MAML3: variants seen among roughly 807,000 people sequenced by gnomAD.
MAML3 encodes mastermind-like protein 3.
MAML3 carries 27 observed loss-of-function variants against 101.9 expected under a neutral mutation model. The observed-to-expected ratio is 0.27, with a 90% confidence interval of 0.20 to 0.37. The LOEUF is 0.37. MAML3 is among the 10% of genes least tolerant of loss of function. The pLI is 1.00. For synonymous variants in MAML3, 501 were observed against 555.9 expected, an observed-to-expected ratio of 0.90 and a Z score of 1.39; for missense variants, 1,316 against 1,444.9, an observed-to-expected ratio of 0.91 and a Z score of 1.45.
intron 1 of MAML3, among the ~76,000 whole-genome samples, chr4:140,031,183 A>C (rs1726901890): frequency 1.3e-5 from 2 of 152,236 alleles, no homozygotes; most frequent in African/African-American, 2.4e-5. Context: ...GCACAAATAG[A>C]TTAACAACAA....
intron 2 of MAML3, among the ~76,000 whole-genome samples, chr4:139,803,072 C>A (rs953962930): frequency 3.3e-5 from 5 of 152,106 alleles, no homozygotes; most frequent in Non-Finnish European, 4.4e-5. Context: ...TGCTTAATAA[C>A]AGGAAGTGGT....
intron 2 of MAML3, among the ~76,000 whole-genome samples, chr4:139,871,602 A>G (rs1732008235): frequency 6.6e-6 from 1 of 152,168 alleles, no homozygotes. Flanking sequence ...AGAAACCTAC[A>G]ATGACTACCC....
At chr4:140,104,518 G>A (rs1442493410) in intron 1 of MAML3, among the ~76,000 whole-genome samples, 4 of 135,148 alleles carry the variant, frequency 3.0e-5, no homozygotes, top group Non-Finnish European at 6.3e-5. Context: ...TGTGGCTCAG[G>A]CTGGAGTATA....
intron 2 of MAML3, among the ~76,000 whole-genome samples, chr4:139,775,802 A>G (rs747514076): frequency 6.6e-6 from 1 of 151,964 alleles, no homozygotes; most frequent in Non-Finnish European, 1.5e-5. Flanking sequence ...TTGCCATCCT[A>G]TTTTTCTTTC....
intron 1 of MAML3, among the ~76,000 whole-genome samples, chr4:140,139,281 T>A (rs889771674): frequency 6.6e-6 from 1 of 152,106 alleles, no homozygotes; most frequent in Admixed American, 6.5e-5. Context: ...GTCTTTTTTT[T>A]TCTTTTCTTT....
chr4:140,019,176 GAT>G (rs1215472618), intron 1 of MAML3, among the ~76,000 whole-genome samples: 5 of 152,022 alleles, frequency 3.3e-5, no homozygotes, highest in Non-Finnish European at 7.4e-5. Context: ...CAGGGATTTG[GAT>G]ATGTTTTTTC....
At chr4:140,135,667 A>G (rs1368069791) in intron 1 of MAML3, among the ~76,000 whole-genome samples, 1 of 152,306 alleles carries the variant, frequency 6.6e-6, no homozygotes, top group East Asian at 1.9e-4. Context: ...CATACACCCA[A>G]TGCCGAGAGA....
chr4:139,803,428 T>G (rs555941302), intron 2 of MAML3, among the ~76,000 whole-genome samples: 1 of 152,342 alleles, frequency 6.6e-6, no homozygotes, highest in Admixed American at 6.5e-5. Context: ...ACCCCTATTA[T>G]GAAGTTGTAA....
chr4:139,869,117 G>T (rs1172401856), intron 2 of MAML3, among the ~76,000 whole-genome samples: 1 of 152,220 alleles, frequency 6.6e-6, no homozygotes, highest in Non-Finnish European at 1.5e-5. Context: ...TGGAAAGCAT[G>T]CAAAGAGAAG....
chr4:139,982,580 G>C (rs979092832), intron 1 of MAML3, among the ~76,000 whole-genome samples: 1 of 152,078 alleles, frequency 6.6e-6, no homozygotes, highest in Non-Finnish European at 1.5e-5. Flanking sequence ...GTTAGCATAT[G>C]ATACTTTTTA....
chr4:139,757,179 A>C (rs1417984124), intron 2 of MAML3, among the ~76,000 whole-genome samples: 1 of 151,948 alleles, frequency 6.6e-6, no homozygotes, highest in African/African-American at 2.4e-5. Context: ...TACCTCCTCC[A>C]CAGCACCCTA....
At chr4:140,023,221 G>A (rs1169645650) in intron 1 of MAML3, among the ~76,000 whole-genome samples, 1 of 152,198 alleles carries the variant, frequency 6.6e-6, no homozygotes, top group Non-Finnish European at 1.5e-5. Flanking sequence ...ATTTTCCTGT[G>A]TGATTTAGAG....
intron 1 of MAML3, among the ~76,000 whole-genome samples, chr4:139,989,547 G>A (rs1418594344): frequency 2.6e-5 from 4 of 152,034 alleles, no homozygotes; most frequent in Non-Finnish European, 5.9e-5. Flanking sequence ...GGGATGCTAT[G>A]ACTCACGGTC....
chr4:139,857,229 A>G (rs1731676947), intron 2 of MAML3, among the ~76,000 whole-genome samples: 1 of 151,948 alleles, frequency 6.6e-6, no homozygotes, highest in Admixed American at 6.6e-5. Context: ...CTGTTGAGCC[A>G]CTCTTTATTT....
intron 1 of MAML3, among the ~76,000 whole-genome samples, chr4:140,115,782 G>T (rs768144969): frequency 6.6e-6 from 1 of 151,992 alleles, no homozygotes; most frequent in Non-Finnish European, 1.5e-5. Flanking sequence ...TGAATATTAA[G>T]GTCAAATTTT....
intron 1 of MAML3, among the ~76,000 whole-genome samples, chr4:140,145,769 T>C (rs1038544917): frequency 6.6e-6 from 1 of 152,124 alleles, no homozygotes; most frequent in African/African-American, 2.4e-5. Flanking sequence ...TTTCACCATG[T>C]TGGTCAGGCT....
At chr4:139,755,508 T>G (rs1560784553) in intron 2 of MAML3, among the ~76,000 whole-genome samples, 2 of 152,260 alleles carry the variant, frequency 1.3e-5, no homozygotes, top group Non-Finnish European at 2.9e-5. Flanking sequence ...CATGGGAGGC[T>G]GAGGCAGGAG....
At chr4:140,081,248 A>G (rs959201618) in intron 1 of MAML3, among the ~76,000 whole-genome samples, 2 of 151,940 alleles carry the variant, frequency 1.3e-5, no homozygotes, top group African/African-American at 4.9e-5. Flanking sequence ...GATTAAACAC[A>G]TTAAAAAAAA....
At chr4:140,081,185 C>A (rs559535976) in intron 1 of MAML3, among the ~76,000 whole-genome samples, 1 of 152,068 alleles carries the variant, frequency 6.6e-6, no homozygotes, top group East Asian at 1.9e-4. Context: ...CTCTGGAATT[C>A]TGTTTATAAG....
Sources: gnomAD v4.1 joint callset for allele counts (sites outside exome capture counted in the v4.1 genomes callset) on GRCh38, gnomAD v4.1.1 for gene constraint, MANE v1.5 for transcripts, NCBI Gene and HGNC (gene_info 2026-07-23, HGNC 2026-07-21) for gene names.